The following PLEKHA5 variants were observed in gnomAD, a reference collection of about 807,000 sequenced individuals.
The protein encoded by PLEKHA5 is pleckstrin homology domain containing A5.
PLEKHA5 carries 55 observed loss-of-function variants against 181.9 expected under a neutral mutation model. The observed-to-expected ratio is 0.30, with a 90% CI of 0.24 to 0.38. PLEKHA5 has a LOEUF of 0.38. Among genes scored for constraint, PLEKHA5 ranks in the 10% least tolerant of loss-of-function variants. The pLI is 1.00. For missense variants in PLEKHA5, 1,432 were observed against 1,549.5 expected (o/e 0.92, Z 1.27); for synonymous variants, 535 against 529.4 (o/e 1.01, Z -0.15).
intron 26 of PLEKHA5, 105 bp downstream of exon 26, chr12:19,354,107 C>G (rs2094764914): frequency 7.8e-6 from 2 of 256,160 alleles, no homozygotes; most frequent in Admixed American, 4.9e-5. Flanking sequence ...TTTGCATACT[C>G]AAAGAAAAAC....
intron 11 of PLEKHA5, among the ~76,000 whole-genome samples, chr12:19,281,945 C>T (rs1378313300): frequency 6.6e-6 from 1 of 152,030 alleles, no homozygotes; most frequent in African/African-American, 2.4e-5. Context: ...CCACGCCCGG[C>T]TAATTTTTTT....
At chr12:19,187,699 C>G (rs2151920904) in intron 3 of PLEKHA5, among the ~76,000 whole-genome samples, 1 of 152,152 alleles carries the variant, frequency 6.6e-6, no homozygotes, top group Admixed American at 6.5e-5. Flanking sequence ...TTCTGTATTC[C>G]TATCTGATGA....
chr12:19,353,373 T>C (rs2094716681), intron 25 of PLEKHA5, among the ~76,000 whole-genome samples: 1 of 152,110 alleles, frequency 6.6e-6, no homozygotes, highest in Non-Finnish European at 1.5e-5. Context: ...GCTAAGCTGG[T>C]CTTGAACTCC....
At chr12:19,321,360 CTTT>C (rs1158507411) in intron 18 of PLEKHA5, among the ~76,000 whole-genome samples, 9 of 24,202 alleles carry the variant, frequency 3.7e-4, no homozygotes, top group East Asian at 2.4e-3. Context: ...CTTTTCTTTT[CTTT>C]TTTTTTTTTT....
chr12:19,306,122 A>C (rs566613153), intron 15 of PLEKHA5, among the ~76,000 whole-genome samples: 1 of 152,212 alleles, frequency 6.6e-6, no homozygotes, highest in South Asian at 2.1e-4. Context: ...AGACCTCAAA[A>C]CTGCTGAAGA....
Position 19,347,190 on chromosome 12 carries a change from G to T in PLEKHA5, c.2898+8G>T. ...AGAAATGGATCTCACTGTGTAAGTGGCTGGAATAGCCACAGAATAATCAAT... is the reference window on the plus strand; with the variant it reads ...AGAAATGGATCTCACTGTGTAAGTGTCTGGAATAGCCACAGAATAATCAAT... On this transcript the variant is annotated splice_region_variant and intron_variant, in intron 24 of 31. Coordinates refer to ENST00000429027, the MANE Select transcript of PLEKHA5 (RefSeq NM_001256470.2). 1 of 1,481,550 alleles carries T rather than the reference G, an allele frequency of 6.7e-7. No individual in the cohort carries two copies. Among genetic ancestry groups the T allele is most frequent in the South Asian group, 1.2e-5 (1 of 80,610 alleles). The allele number at this position is 1,481,550 out of a possible 1,614,324, so 91.8% of individuals were successfully genotyped here.
chr12:19,260,407 T>C (rs2068116730), intron 6 of PLEKHA5, among the ~76,000 whole-genome samples: 1 of 152,222 alleles, frequency 6.6e-6, no homozygotes. Flanking sequence ...CCAAATCAAA[T>C]TGCCTTAATA....
chr12:19,177,494 G>A (rs905126645), intron 3 of PLEKHA5, among the ~76,000 whole-genome samples: 21 of 152,266 alleles, frequency 1.4e-4, no homozygotes, highest in African/African-American at 4.8e-4. Flanking sequence ...TTATGCAGAC[G>A]AGTTTCATTT....
At chr12:19,357,713 G>A (rs1793677672) in intron 26 of PLEKHA5, among the ~76,000 whole-genome samples, 1 of 151,350 alleles carries the variant, frequency 6.6e-6, no homozygotes, top group South Asian at 2.1e-4. Context: ...TCAGCTCGCT[G>A]CAACCTCCAC....
Position 19,261,031 on chromosome 12 carries a change from C to T in PLEKHA5, c.610+10C>T, listed in dbSNP as rs2068319484. On this transcript the variant is annotated intron_variant, in intron 7 of 31. Transcript: ENST00000429027. ...CTCTTTTATTATAGAGGTAAGTTTA[C>T]CCTACTGTCTTAGTGTATTATTTTG... The T allele has an allele frequency of 2.0e-6, 3 of 1,497,840 alleles. No individual in the cohort carries two copies. Among genetic ancestry groups the T allele is most frequent in the South Asian group, 1.2e-5 (1 of 84,752 alleles). The allele number at this position is 1,497,840 out of a possible 1,614,324, so 92.8% of individuals were successfully genotyped here.
chr12:19,201,333 C>CAGTA (rs1474979378), intron 3 of PLEKHA5: 1 of 152,026 alleles, frequency 6.6e-6, no homozygotes, highest in African/African-American at 2.4e-5. Flanking sequence ...CAAAGACGAT[C>CAGTA]AGTATCAAGT....
At chr12:19,240,878 A>G (rs570455513) in intron 3 of PLEKHA5, among the ~76,000 whole-genome samples, 2 of 152,246 alleles carry the variant, frequency 1.3e-5, no homozygotes, top group South Asian at 2.1e-4. Context: ...TTGTGACACA[A>G]TATTTTTATA....
chr12:19,173,005 C>CTTTTTTTTTTTTTTTTTTTTTTT (rs71064064), intron 3 of PLEKHA5, among the ~76,000 whole-genome samples: 1 of 33,544 alleles, frequency 3.0e-5, no homozygotes, highest in African/African-American at 1.1e-4. Flanking sequence ...ATTTCCCTTT[C>CTTTTTTTTTTTTTTTTTTTTTTT]TTTTTTTTTT....
intron 3 of PLEKHA5, among the ~76,000 whole-genome samples, chr12:19,142,030 T>C (rs1457442549): frequency 6.6e-6 from 1 of 152,118 alleles, no homozygotes; most frequent in Non-Finnish European, 1.5e-5. Context: ...AAGGTGAAAA[T>C]TCCAACTTTC....
At chr12:19,317,204 A>G (rs2089163982) in intron 16 of PLEKHA5, among the ~76,000 whole-genome samples, 1 of 152,126 alleles carries the variant, frequency 6.6e-6, no homozygotes, top group Non-Finnish European at 1.5e-5. Context: ...CTGTCTCTGC[A>G]AAATATAAAA....
intron 20 of PLEKHA5, among the ~76,000 whole-genome samples, chr12:19,333,199 C>T (rs1324574294): frequency 6.6e-6 from 1 of 152,050 alleles, no homozygotes; most frequent in Non-Finnish European, 1.5e-5. Flanking sequence ...GCAGGCGAAT[C>T]GCTTGAACCC....
intron 28 of PLEKHA5, among the ~76,000 whole-genome samples, chr12:19,361,002 G>C (rs1017057325): frequency 6.6e-6 from 1 of 150,726 alleles, no homozygotes; most frequent in Admixed American, 6.6e-5. Flanking sequence ...TGATCTGCCC[G>C]CCTCAGCCTC....
rs35113109 is a variant in PLEKHA5 at position 19,251,406 on chromosome 12, CAA to C, written c.228-2520_228-2519del. Among the ~76,000 whole-genome samples, 874 of 124,666 alleles carry C rather than the reference CAA, an allele frequency of 7.0e-3. 4 individuals carry two copies. Among genetic ancestry groups the C allele is most frequent in the African/African-American group, 0.013 (446 of 33,482 alleles). The allele number at this position is 124,666 out of a possible 152,430, so 81.8% of individuals were successfully genotyped here. A position where few individuals can be genotyped will look rare whatever the true frequency, so the allele number is the denominator to read the frequency against. The stretch of plus-strand genomic sequence containing the variant: ...TGGGCAACAGAGCAAAACTCTGTCT[CAA>C]AAAAAAAAAAAAAGAAAAGAAAAGA... On this transcript the variant is annotated intron_variant, in intron 3 of 31. Transcript: ENST00000429027.
At chr12:19,307,300 T>C (rs2084293707) in intron 15 of PLEKHA5, 10 of 361,424 alleles carry the variant, frequency 2.8e-5, no homozygotes, top group Non-Finnish European at 5.1e-6. Flanking sequence ...TGGTGAAACC[T>C]TGTCTCTACT....
Sources: gnomAD v4.1 joint callset for allele counts (sites outside exome capture counted in the v4.1 genomes callset) on GRCh38, gnomAD v4.1.1 for gene constraint, MANE v1.5 for transcripts, NCBI Gene and HGNC (gene_info 2026-07-23, HGNC 2026-07-21) for gene names.